The following NAALADL2 variants were observed in gnomAD, a reference collection of about 807,000 sequenced individuals.
NAALADL2 encodes the protein inactive N-acetylated-alpha-linked acidic dipeptidase-like protein 2.
NAALADL2 carries 76 observed loss-of-function variants against 87.2 expected under a neutral mutation model. That is an observed-to-expected ratio of 0.87 (90% CI 0.72 to 1.05). The LOEUF is 1.05. Ranked by LOEUF, NAALADL2 falls within the 50% of genes least tolerant of loss-of-function variation. The pLI, the probability that NAALADL2 is intolerant of heterozygous loss-of-function variation, is 0.00. For missense variants in NAALADL2, 1,089 were observed against 945.8 expected (o/e 1.15, Z -1.99); for synonymous variants, 354 against 331.0 (o/e 1.07, Z -0.75).
At chr3:174,758,135 A>T (rs2109061639) in intron 3 of NAALADL2, among the ~76,000 whole-genome samples, 1 of 152,306 alleles carries the variant, frequency 6.6e-6, no homozygotes, top group Admixed American at 6.5e-5. Context: ...ACATAACCAG[A>T]ACCAGCAAAG....
At chr3:175,733,017 CT>C (rs1743993424) in intron 11 of NAALADL2, among the ~76,000 whole-genome samples, 1 of 151,984 alleles carries the variant, frequency 6.6e-6, no homozygotes, top group Non-Finnish European at 1.5e-5. Flanking sequence ...CTACATTTAC[CT>C]ATGTAACAAA....
chr3:174,565,142 C>T (rs1714097142), intron 2 of NAALADL2, among the ~76,000 whole-genome samples: 1 of 151,964 alleles, frequency 6.6e-6, no homozygotes, highest in Non-Finnish European at 1.5e-5. Flanking sequence ...ATATTTGTTA[C>T]AATTGATGAG....
intron 11 of NAALADL2, among the ~76,000 whole-genome samples, chr3:175,713,768 A>T (rs1387902426): frequency 6.6e-6 from 1 of 152,000 alleles, no homozygotes; most frequent in East Asian, 1.9e-4. Context: ...TCTGGGATAC[A>T]TGTGCAGAAT....
intron 1 of NAALADL2, among the ~76,000 whole-genome samples, chr3:175,011,983 A>T: frequency 6.6e-6 from 1 of 152,176 alleles, no homozygotes; most frequent in Non-Finnish European, 1.5e-5. Context: ...GTTTCATTGC[A>T]AAAACCTAAT....
chr3:175,202,712 C>T (rs1358983837), intron 2 of NAALADL2, among the ~76,000 whole-genome samples: 1 of 152,004 alleles, frequency 6.6e-6, no homozygotes, highest in Admixed American at 6.6e-5. Context: ...CTTCAGCTAC[C>T]AGGTTGGGTA....
intron 13 of NAALADL2, among the ~76,000 whole-genome samples, chr3:175,798,805 A>G (rs1163890183): frequency 6.6e-6 from 1 of 152,100 alleles, no homozygotes; most frequent in African/African-American, 2.4e-5. Flanking sequence ...TGCTTATGTG[A>G]ATTGCCATCA....
intron 2 of NAALADL2, among the ~76,000 whole-genome samples, chr3:174,727,494 TA>T (rs1732312813): frequency 6.6e-6 from 1 of 152,082 alleles, no homozygotes; most frequent in African/African-American, 2.4e-5. Flanking sequence ...TCCAGCCTGG[TA>T]ATAGGTTTTG....
chr3:174,793,351 A>G (rs1717691910), intron 3 of NAALADL2, among the ~76,000 whole-genome samples: 1 of 152,186 alleles, frequency 6.6e-6, no homozygotes, highest in African/African-American at 2.4e-5. Context: ...ATAATCTCTA[A>G]CCTGAATTCA....
At chr3:175,602,254 T>C (rs1352651556) in intron 10 of NAALADL2, among the ~76,000 whole-genome samples, 1 of 152,068 alleles carries the variant, frequency 6.6e-6, no homozygotes, top group Non-Finnish European at 1.5e-5. Flanking sequence ...TTATATCCAT[T>C]TCTATATAAA....
chr3:175,085,528 G>T (rs972214606), intron 1 of NAALADL2, among the ~76,000 whole-genome samples: 2 of 152,166 alleles, frequency 1.3e-5, no homozygotes, highest in African/African-American at 4.8e-5. Flanking sequence ...GAAACAAAGA[G>T]ACCTGAGTAA....
At chr3:175,392,334 C>A (rs1057365398) in intron 5 of NAALADL2, among the ~76,000 whole-genome samples, 2 of 152,054 alleles carry the variant, frequency 1.3e-5, no homozygotes, top group Non-Finnish European at 2.9e-5. Context: ...TATTTGCTTA[C>A]AAATATTTGA....
rs140817687 is a variant in NAALADL2, at chr3:175,355,925, A to G, written c.1090+31600A>G. Among the ~76,000 whole-genome samples the G allele has an allele frequency of 4.7e-3, 716 of 152,316 alleles. 7 individuals carry two copies. The highest frequency in any genetic ancestry group is 0.017 in the African/African-American group (687 of 41,576). On this transcript the variant is annotated intron_variant, in intron 5 of 13. Transcript: ENST00000454872. The stretch of plus-strand genomic sequence containing the variant: ...GACCTTGACAAATGGGTAGGCAGAT[A>G]ACTAAAATATTCTTCCTAAGTTAAG...
At chr3:174,594,575 C>T (rs988902264) in intron 2 of NAALADL2, among the ~76,000 whole-genome samples, 4 of 152,146 alleles carry the variant, frequency 2.6e-5, no homozygotes, top group African/African-American at 9.7e-5. Context: ...AGTTGCGGCT[C>T]TGAGTGCTCT....
intron 3 of NAALADL2, among the ~76,000 whole-genome samples, chr3:174,849,564 G>A (rs1038678201): frequency 1.3e-5 from 2 of 151,816 alleles, no homozygotes; most frequent in Admixed American, 6.6e-5. Flanking sequence ...GGGAAACCCC[G>A]TATCTACTAA....
chr3:175,702,272 A>G (rs1239582527), intron 11 of NAALADL2, among the ~76,000 whole-genome samples: 1 of 152,138 alleles, frequency 6.6e-6, no homozygotes, highest in Admixed American at 6.5e-5. Context: ...TTTATTCAAA[A>G]CTGAAAATCT....
At chr3:175,718,961 G>C (rs1218236004) in intron 11 of NAALADL2, among the ~76,000 whole-genome samples, 1 of 152,116 alleles carries the variant, frequency 6.6e-6, no homozygotes, top group Non-Finnish European at 1.5e-5. Context: ...CAAAAGGCTA[G>C]CATTGAATTT....
At chr3:175,370,499 TGG>T (rs59739020) in intron 5 of NAALADL2, among the ~76,000 whole-genome samples, 5 of 146,128 alleles carry the variant, frequency 3.4e-5, no homozygotes, top group African/African-American at 1.3e-4. Context: ...TGCCAATATA[TGG>T]GGGGGGGAGG....
intron 10 of NAALADL2, among the ~76,000 whole-genome samples, chr3:175,607,898 A>AACACACAC (rs759390811): frequency 2.7e-5 from 3 of 109,542 alleles, no homozygotes; most frequent in African/African-American, 8.4e-5. Context: ...GGTGACATGG[A>AACACACAC]ACACACACAC....
At chr3:175,736,545 A>T (rs898469171) in intron 11 of NAALADL2, among the ~76,000 whole-genome samples, 1 of 152,238 alleles carries the variant, frequency 6.6e-6, no homozygotes, top group African/African-American at 2.4e-5. Flanking sequence ...AAGACTCCTC[A>T]TATCAGAGTT....
Sources: allele counts gnomAD v4.1 joint callset (sites outside exome capture counted in the v4.1 genomes callset), GRCh38; gene constraint gnomAD v4.1.1; transcripts MANE v1.5; gene names NCBI Gene and HGNC (gene_info 2026-07-23, HGNC 2026-07-21).